Variants in AFF2 observed in about 807,000 individuals in gnomAD.
AFF2 encodes the protein ALF transcription elongation factor 2.
Under a neutral mutation model 76.9 loss-of-function variants are expected in AFF2, and 14 were observed. The observed-to-expected ratio is 0.18, with a 90% CI of 0.12 to 0.28. The LOEUF is 0.28. AFF2 is among the 10% of genes least tolerant of loss of function. The pLI, the probability that AFF2 is intolerant of heterozygous loss-of-function variation, is 1.00. For missense variants in AFF2, 868 were observed against 1,001.1 expected, an observed-to-expected ratio of 0.87 and a Z score of 1.79; for synonymous variants, 398 against 366.7, an observed-to-expected ratio of 1.09 and a Z score of -0.98.
At chrX:148,960,986 C>T (rs1290982031) in intron 12 of AFF2, among the ~76,000 whole-genome samples, 2 of 111,885 alleles carry the variant, frequency 1.8e-5, no homozygotes, top group Non-Finnish European at 1.9e-5. Context: ...CCTTAAAGAC[C>T]CCGTGGTTCC....
intron 1 of AFF2, among the ~76,000 whole-genome samples, chrX:148,564,204 T>G (rs1239516389): frequency 8.9e-6 from 1 of 111,818 alleles, no homozygotes; most frequent in African/African-American, 3.2e-5. Context: ...TAGGACTAAA[T>G]TTCAACTCAG....
chrX:148,692,777 G>T (rs2054666905), intron 3 of AFF2, among the ~76,000 whole-genome samples: 1 of 111,586 alleles, frequency 9.0e-6, no homozygotes, highest in South Asian at 3.7e-4. Flanking sequence ...AGTTTCTTGA[G>T]GAAATTGATT....
At chrX:148,779,692 CT>C (rs1341875301) in intron 3 of AFF2, among the ~76,000 whole-genome samples, 1 of 111,956 alleles carries the variant, frequency 8.9e-6, no homozygotes, top group Non-Finnish European at 1.9e-5. Context: ...CGTCTTGGCT[CT>C]TTATCCAGTT....
chrX:148,660,157 T>G (rs1337643410), intron 2 of AFF2, among the ~76,000 whole-genome samples: 5 of 112,188 alleles, frequency 4.5e-5, no homozygotes, highest in Non-Finnish European at 7.5e-5. Flanking sequence ...ATTTCTCCTA[T>G]TGCCCTCATT....
Position 148,783,312 on chromosome X carries a change from G to C in AFF2, c.1042-26564G>C, listed in dbSNP as rs184015614. 6.3e-5 allele frequency among the ~76,000 whole-genome samples: 7 copies of C among 110,979 alleles called. No individual in the cohort carries two copies. The East Asian group carries it at 1.4e-3, about 22-fold the overall frequency. Reference sequence around the variant, plus strand: ...ATGAACCACCAAGAGGTTTGGGTGAGGTTTTATGAAGACATAAAGATCAAG... The same window carrying C: ...ATGAACCACCAAGAGGTTTGGGTGACGTTTTATGAAGACATAAAGATCAAG... On this transcript the variant is annotated intron_variant, in intron 3 of 20. Coordinates refer to ENST00000370460, the MANE Select transcript of AFF2 (RefSeq NM_002025.4).
chrX:148,584,232 C>G (rs1026020853), intron 1 of AFF2, among the ~76,000 whole-genome samples: 1 of 111,331 alleles, frequency 9.0e-6, no homozygotes, highest in Non-Finnish European at 1.9e-5. Context: ...CAGTTTAAAG[C>G]TTATTTTAAT....
chrX:148,667,525 A>G (rs1310050586), intron 3 of AFF2, among the ~76,000 whole-genome samples: 2 of 112,014 alleles, frequency 1.8e-5, no homozygotes, highest in South Asian at 3.7e-4. Flanking sequence ...CTGGGCATTT[A>G]CAAAAGAAAG....
At chrX:148,697,140 T>C (rs1434334632) in intron 3 of AFF2, among the ~76,000 whole-genome samples, 1 of 112,544 alleles carries the variant, frequency 8.9e-6, no homozygotes, top group Non-Finnish European at 1.9e-5. Context: ...CTACTCCACT[T>C]TCAGGAATCT....
intron 1 of AFF2, among the ~76,000 whole-genome samples, chrX:148,517,123 G>A (rs1253409841): frequency 6.3e-5 from 7 of 111,680 alleles, no homozygotes; most frequent in Admixed American, 5.7e-4. Flanking sequence ...TTGTATAAAT[G>A]GCCCCTGGAG....
chrX:148,891,373 T>C (rs1296050516), intron 8 of AFF2, among the ~76,000 whole-genome samples: 1 of 112,227 alleles, frequency 8.9e-6, no homozygotes, highest in African/African-American at 3.2e-5. Flanking sequence ...GAGAAGCAGT[T>C]ATTGATGCTA....
chrX:148,966,778 C>T lies in AFF2; in HGVS notation c.2914-12C>T. The T allele has an allele frequency of 3.3e-6, 4 of 1,207,806 alleles. No homozygotes were observed. The African/African-American group carries it at 5.2e-5, about 16-fold the overall frequency. On this transcript the variant is annotated splice_polypyrimidine_tract_variant and intron_variant, in intron 13 of 20. Transcript: ENST00000370460. ...GGACCTAATGGAAACTATTTGTCCT[C>T]CTTTTTCCCAGGAGGGAGACACTCC...
At chrX:148,750,652 A>G (rs782337900) in intron 3 of AFF2, among the ~76,000 whole-genome samples, 1 of 111,969 alleles carries the variant, frequency 8.9e-6, no homozygotes, top group South Asian at 3.7e-4. Context: ...GGAAAAGTCA[A>G]TGAACATTTC....
At chrX:148,567,146 T>C (rs1449144807) in intron 1 of AFF2, among the ~76,000 whole-genome samples, 2 of 111,913 alleles carry the variant, frequency 1.8e-5, no homozygotes, top group African/African-American at 6.5e-5. Context: ...AATAGAAGAC[T>C]GAACACATAC....
Position 148,809,877 on chromosome X carries a change from T to C in AFF2, c.1043T>C (p.Val348Ala), listed in dbSNP as rs781998587. ...TGTTTTCTGTTTATTTTGTTTCAGG[T>C]AAGCCTTCCCAGTGATCCAAGCTGT... Reference protein sequence around the residue: ...PKFTILQTSEVSLPSDPSCVE... With the variant: ...PKFTILQTSEASLPSDPSCVE... Residue 348 changes from valine (V) to alanine (A), a missense_variant and splice_region_variant, in exon 4 of 21, where the codon GTA becomes GCA. Physicochemically the swap from Val to Ala is moderately conservative, Grantham distance 64 (BLOSUM62 0). Transcript: ENST00000370460. 11 of 1,210,634 alleles carry C rather than the reference T, an allele frequency of 9.1e-6. No homozygotes were observed. In the South Asian group the frequency reaches 1.9e-4, roughly 21 times the overall value.
chrX:148,769,884 A>T (rs1256671107), intron 3 of AFF2, among the ~76,000 whole-genome samples: 2 of 111,550 alleles, frequency 1.8e-5, no homozygotes, highest in African/African-American at 6.5e-5. Context: ...AAACCAATAA[A>T]AATGGTTCCA....
At chrX:148,802,788 A>G (rs1428993681) in intron 3 of AFF2, among the ~76,000 whole-genome samples, 1 of 112,169 alleles carries the variant, frequency 8.9e-6, no homozygotes, top group East Asian at 2.8e-4. Context: ...AGAGTGTGCT[A>G]TGATCTTTGA....
rs150106782 is a variant in AFF2 at position 148,643,722 on chromosome X, A to G, written c.48-8277A>G. On this transcript the variant is annotated intron_variant, in intron 1 of 20. Transcript: ENST00000370460. ...ACATGAGATTCAAGGAGATAAAATCAGACATTCCATAGTTGTAAAGGGATA... is the reference window on the plus strand; with the variant it reads ...ACATGAGATTCAAGGAGATAAAATCGGACATTCCATAGTTGTAAAGGGATA... Among the ~76,000 whole-genome samples, 902 of 111,477 alleles carry G rather than the reference A, an allele frequency of 8.1e-3. 4 individuals carry two copies. Among genetic ancestry groups the G allele is most frequent in the Non-Finnish European group, 0.012 (627 of 53,064 alleles).
intron 1 of AFF2, among the ~76,000 whole-genome samples, chrX:148,607,964 T>C (rs2053689079): frequency 8.9e-6 from 1 of 111,996 alleles, no homozygotes; most frequent in Non-Finnish European, 1.9e-5. Flanking sequence ...TCTGAGAAGT[T>C]GATGATACCT....
intron 3 of AFF2, among the ~76,000 whole-genome samples, chrX:148,771,964 A>G (rs948444149): frequency 3.6e-5 from 4 of 111,798 alleles, no homozygotes; most frequent in African/African-American, 1.3e-4. Flanking sequence ...GACAGATGGA[A>G]AGTTTACTTG....
Sources: gnomAD v4.1 joint callset for allele counts (sites outside exome capture counted in the v4.1 genomes callset) on GRCh38, gnomAD v4.1.1 for gene constraint, MANE v1.5 for transcripts, NCBI Gene and HGNC (gene_info 2026-07-23, HGNC 2026-07-21) for gene names.